The following PDE3A variants were observed in gnomAD, a reference collection of about 807,000 sequenced individuals.
PDE3A encodes the protein phosphodiesterase 3A.
In PDE3A, 43 loss-of-function variants were observed where a neutral mutation model predicts 98.3. The ratio of observed to expected loss-of-function variants is 0.44; its 90% CI spans 0.34 to 0.56. The LOEUF is 0.56. Ranked by LOEUF, PDE3A falls within the 20% of genes least tolerant of loss-of-function variation. The pLI, the probability that PDE3A is intolerant of heterozygous loss-of-function variation, is 0.01. For missense variants in PDE3A, 1,427 were observed against 1,440.7 expected (o/e 0.99, Z 0.15); for synonymous variants, 663 against 567.9 (o/e 1.17, Z -2.38).
chr12:20,620,009 T>C (rs538002869), intron 4 of PDE3A, among the ~76,000 whole-genome samples: 24 of 152,178 alleles, frequency 1.6e-4, no homozygotes, highest in African/African-American at 5.8e-4. Flanking sequence ...AGAGGTCTAT[T>C]AGTACAATTT....
Position 20,630,110 on chromosome 12 carries a change from A to G in PDE3A, c.1743A>G (p.Pro581=). The G allele has an allele frequency of 4.3e-6, 7 of 1,609,442 alleles. No homozygotes were observed. Among genetic ancestry groups the G allele is most frequent in the Non-Finnish European group, 6.0e-6 (7 of 1,175,922 alleles). ...ACCTATCCCCTCAAATCCTGACTCC[A>G]CCTGTTATATGTAGCAGGTAAGGAT... The part of the protein sequence containing the change: ...APDLSPQILT[P]PVICSSCGRP... The change falls in exon 6 of 16, where the codon CCA becomes CCG. Residue 581 remains proline, a synonymous_variant. Transcript: ENST00000359062.
chr12:20,552,230 G>C lies in PDE3A; in HGVS notation c.961-4430G>C. 6.2e-7 allele frequency: 1 copy of C among 1,614,004 alleles called. No homozygotes were observed. Among genetic ancestry groups the C allele is most frequent in the Non-Finnish European group, 8.5e-7 (1 of 1,179,894 alleles). On this transcript the variant is annotated intron_variant, in intron 1 of 15. Transcript: ENST00000359062. The surrounding 1 kb of genome is among the most constrained non-coding windows in gnomAD (Gnocchi z 5.1). ...GACTGGCGGTCGGGGAAGCCGGTCA[G>C]GGTGGTGCGCAATGTCAAGGGTGGC...
At chr12:20,411,999 A>G (rs572386654) in intron 1 of PDE3A, among the ~76,000 whole-genome samples, 1 of 152,254 alleles carries the variant, frequency 6.6e-6, no homozygotes, top group South Asian at 2.1e-4. Flanking sequence ...CCCCTCAGCC[A>G]AAAATTTCAG....
chr12:20,673,713 G>T (rs373958165), intron 15 of PDE3A, among the ~76,000 whole-genome samples: 1 of 117,524 alleles, frequency 8.5e-6, no homozygotes, highest in Non-Finnish European at 1.7e-5. Context: ...TGGGGGGAGG[G>T]GGGAGGGATA....
At chr12:20,506,224 C>T (rs975192131) in intron 1 of PDE3A, among the ~76,000 whole-genome samples, 1 of 151,726 alleles carries the variant, frequency 6.6e-6, no homozygotes, top group African/African-American at 2.4e-5. Flanking sequence ...GCTAACCTCA[C>T]CTATAAAACT....
At chr12:20,473,798 T>A (rs1005391039) in intron 1 of PDE3A, among the ~76,000 whole-genome samples, 2 of 152,194 alleles carry the variant, frequency 1.3e-5, no homozygotes, top group African/African-American at 4.8e-5. Flanking sequence ...TCAACCGTGT[T>A]GATATGTATA....
intron 1 of PDE3A, among the ~76,000 whole-genome samples, chr12:20,407,180 A>G (rs1324027030): frequency 6.6e-6 from 1 of 152,180 alleles, no homozygotes; most frequent in Non-Finnish European, 1.5e-5. Flanking sequence ...GTTACTTAGC[A>G]TCTCTGTGCC....
intron 5 of PDE3A, among the ~76,000 whole-genome samples, chr12:20,627,520 T>C (rs1944292506): frequency 6.6e-6 from 1 of 152,070 alleles, no homozygotes; most frequent in Non-Finnish European, 1.5e-5. Context: ...GCTACTTCTC[T>C]AAATGTCTTC....
chr12:20,613,470 A>G lies in PDE3A; in HGVS notation c.1039A>G (p.Ile347Val). ...QSSGTSITVD[I>V]AVMGEAHGLI... ...TTCAGGAACCAGTATTACTGTGGAC[A>G]TCGCCGTCATGGGCGAGGCCCACGG... Residue 347 changes from isoleucine (I) to valine (V), a missense_variant, in exon 3 of 16, where the codon ATC becomes GTC. Around this residue, in one of 3 missense-constraint regions of PDE3A, gnomAD observed 1,012 missense variants for 886.5 expected, o/e 1.14. Coordinates refer to ENST00000359062, the MANE Select transcript of PDE3A (RefSeq NM_000921.5). 6.2e-7 allele frequency: 1 copy of G among 1,614,104 alleles called. No homozygotes were observed. Among genetic ancestry groups the G allele is most frequent in the Non-Finnish European group, 8.5e-7 (1 of 1,179,922 alleles).
chr12:20,607,807 T>G (rs1214100195), intron 2 of PDE3A, among the ~76,000 whole-genome samples: 1 of 152,158 alleles, frequency 6.6e-6, no homozygotes, highest in Admixed American at 6.5e-5. Context: ...CGTACTGCAC[T>G]GAAAGATGGT....
Position 20,639,928 on chromosome 12 carries a change from C to T in PDE3A, c.2222C>T (p.Ala741Val), listed in dbSNP as rs751404975. The T allele has an allele frequency of 7.3e-6, 11 of 1,508,570 alleles. No individual in the cohort carries two copies. In the African/African-American group the frequency reaches 1.5e-4, roughly 21 times the overall value. The allele number at this position is 1,508,570 out of a possible 1,614,324, so 93.4% of individuals were successfully genotyped here. Reference protein sequence around the residue: ...PIREFMNYFHALEIGYRDIPY... With the variant: ...PIREFMNYFHVLEIGYRDIPY... ...AGGGAATTTATGAATTATTTTCATG[C>T]TTTGGAGATTGGATATAGGGATATT... The change falls in exon 10 of 16, where the codon GCT becomes GTT. Residue 741 changes from alanine to valine, a missense_variant. Ala to Val is a moderately conservative substitution (Grantham distance 64). Around this residue, in one of 3 missense-constraint regions of PDE3A, gnomAD observed 273 missense variants for 420.3 expected, o/e 0.65. Transcript: ENST00000359062.
chr12:20,420,869 T>C (rs1352622464), intron 1 of PDE3A, among the ~76,000 whole-genome samples: 2 of 152,230 alleles, frequency 1.3e-5, no homozygotes, highest in Admixed American at 1.3e-4. Flanking sequence ...TCTTGTTCTT[T>C]ATTCATATGT....
intron 1 of PDE3A, among the ~76,000 whole-genome samples, chr12:20,555,109 T>C (rs1942334715): frequency 1.3e-5 from 2 of 151,506 alleles, no homozygotes. Flanking sequence ...CTGCAACCTC[T>C]GCCTCCCAGG....
chr12:20,583,596 A>AT (rs1943122672), intron 2 of PDE3A, among the ~76,000 whole-genome samples: 1 of 152,170 alleles, frequency 6.6e-6, no homozygotes, highest in Admixed American at 6.5e-5. Flanking sequence ...AACTTACTTA[A>AT]ACTCTATGAG....
chr12:20,431,316 T>C lies in PDE3A; in HGVS notation c.960+61072T>C, dbSNP rs557845991. ...CAGTAGGTTTATCAGATGATTTTTG[T>C]TGTTGTTCTTCACAGAAATGTTGTT... On this transcript the variant is annotated intron_variant, in intron 1 of 15. Transcript: ENST00000359062. Among the ~76,000 whole-genome samples the C allele has an allele frequency of 1.5e-4, 23 of 152,310 alleles. No homozygotes were observed. In the South Asian group the frequency reaches 4.8e-3, roughly 32 times the overall value.
Position 20,653,833 on chromosome 12 carries a change from T to C in PDE3A, c.2926-114T>C, listed in dbSNP as rs574505978. 4.6e-5 allele frequency: 49 copies of C among 1,056,952 alleles called. 1 individual carries two copies. In the South Asian group the frequency reaches 5.4e-4, roughly 12 times the overall value. The allele number at this position is 1,056,952 out of a possible 1,614,324, so 65.5% of individuals were successfully genotyped here. A position where few individuals can be genotyped will look rare whatever the true frequency, so the allele number is the denominator to read the frequency against. On this transcript the variant is annotated intron_variant, in intron 14 of 15. Coordinates refer to ENST00000359062, the MANE Select transcript of PDE3A (RefSeq NM_000921.5). The stretch of plus-strand genomic sequence containing the variant: ...TCTATAGGAACCTTAGCACTTGAGG[T>C]AGGATCCTTTAGCTGTCAAGTAAAG...
intron 1 of PDE3A, among the ~76,000 whole-genome samples, chr12:20,465,827 ACTT>A (rs1945332463): frequency 6.6e-6 from 1 of 152,230 alleles, no homozygotes; most frequent in African/African-American, 2.4e-5. Context: ...AACAGTTCCT[ACTT>A]CTTAGAACTT....
intron 1 of PDE3A, among the ~76,000 whole-genome samples, chr12:20,411,531 T>C (rs1445123533): frequency 6.6e-6 from 1 of 151,766 alleles, no homozygotes; most frequent in Admixed American, 6.6e-5. Flanking sequence ...TTTTTTTTCC[T>C]ATCTTTATGC....
At chr12:20,528,255 G>C (rs1946563609) in intron 1 of PDE3A, among the ~76,000 whole-genome samples, 1 of 152,188 alleles carries the variant, frequency 6.6e-6, no homozygotes, top group Admixed American at 6.5e-5. Flanking sequence ...TTTCAATGCA[G>C]CCCTGCTTTC....
Sources: gnomAD v4.1 joint callset for allele counts (sites outside exome capture counted in the v4.1 genomes callset) on GRCh38, gnomAD v4.1.1 for gene constraint, gnomAD v4.1.1 regional missense constraint, Gnocchi (gnomAD v3.1) non-coding constraint, MANE v1.5 for transcripts, NCBI Gene and HGNC (gene_info 2026-07-23, HGNC 2026-07-21) for gene names.